The following PLXNA2 variants were observed in gnomAD, a reference collection of about 807,000 sequenced individuals.
PLXNA2 encodes the protein plexin-A2.
In PLXNA2, 91 loss-of-function variants were observed where a neutral mutation model predicts 193.5. The ratio of observed to expected loss-of-function variants is 0.47; its 90% CI spans 0.40 to 0.56. PLXNA2 has a LOEUF of 0.56. Ranked by LOEUF, PLXNA2 falls within the 20% of genes least tolerant of loss-of-function variation. The pLI is 0.00. For synonymous variants in PLXNA2, 997 were observed against 1,027.3 expected, an observed-to-expected ratio of 0.97 and a Z score of 0.56; for missense variants, 1,995 against 2,503.2, an observed-to-expected ratio of 0.80 and a Z score of 4.33.
intron 12 of PLXNA2, among the ~76,000 whole-genome samples, chr1:208,074,985 T>C (rs1007185610): frequency 3.3e-5 from 5 of 152,164 alleles, no homozygotes; most frequent in Non-Finnish European, 7.3e-5. Context: ...TCTATGCCAG[T>C]GCAAAGGGAT....
intron 28 of PLXNA2, 147 bp from the exon 29 acceptor site, chr1:208,031,906 G>A (rs1664516636): frequency 7.7e-7 from 1 of 1,294,138 alleles, no homozygotes; most frequent in African/African-American, 1.5e-5. Context: ...GTGGGGAAGG[G>A]TACTATTGGT....
intron 3 of PLXNA2, among the ~76,000 whole-genome samples, chr1:208,180,148 C>T (rs1669793977): frequency 6.8e-6 from 1 of 147,412 alleles, no homozygotes; most frequent in Non-Finnish European, 1.5e-5. Context: ...TTTAGAGCAG[C>T]TCACTGGGGG....
intron 3 of PLXNA2, among the ~76,000 whole-genome samples, chr1:208,157,383 T>C (rs1668970191): frequency 6.6e-6 from 1 of 152,262 alleles, no homozygotes; most frequent in African/African-American, 2.4e-5. Context: ...AAGTGAGATA[T>C]GAATACACAC....
intron 7 of PLXNA2, 21 bp downstream of exon 7, chr1:208,096,709 C>T (rs779310619): frequency 1.9e-6 from 3 of 1,613,446 alleles, no homozygotes; most frequent in Non-Finnish European, 2.5e-6. Context: ...ATTTGTGGCT[C>T]TCATGGCAGA....
chr1:208,133,368 A>AT (rs748985482), intron 4 of PLXNA2, among the ~76,000 whole-genome samples: 8 of 152,162 alleles, frequency 5.3e-5, no homozygotes, highest in Non-Finnish European at 1.2e-4. Context: ...ATTCTATTTT[A>AT]TTTTTTGCTA....
intron 3 of PLXNA2, among the ~76,000 whole-genome samples, chr1:208,143,970 C>T (rs992768162): frequency 2.0e-5 from 3 of 152,186 alleles, no homozygotes; most frequent in Non-Finnish European, 2.9e-5. Flanking sequence ...TTGTGAAATG[C>T]TTGTTGAAAG....
chr1:208,166,787 T>C (rs756041677), intron 3 of PLXNA2, among the ~76,000 whole-genome samples: 3 of 152,162 alleles, frequency 2.0e-5, no homozygotes, highest in Non-Finnish European at 2.9e-5. Context: ...GAAACACATA[T>C]TGAAAGAAAC....
chr1:208,160,025 C>G (rs1040580266), intron 3 of PLXNA2, among the ~76,000 whole-genome samples: 2 of 152,168 alleles, frequency 1.3e-5, no homozygotes, highest in Admixed American at 6.5e-5. Context: ...GGTTTGCCCA[C>G]AGTCGACTGT....
At chr1:208,228,592 C>T (rs959981197) in intron 1 of PLXNA2, among the ~76,000 whole-genome samples, 4 of 152,144 alleles carry the variant, frequency 2.6e-5, no homozygotes, top group African/African-American at 9.7e-5. Flanking sequence ...TGAAATTCAC[C>T]TATGGAAACA....
At chr1:208,219,858 G>C (rs1249846116) in intron 1 of PLXNA2, among the ~76,000 whole-genome samples, 2 of 152,144 alleles carry the variant, frequency 1.3e-5, no homozygotes, top group Non-Finnish European at 2.9e-5. Flanking sequence ...CAGCCCTTCC[G>C]GCCCCAGGCG....
rs1206842045 is a variant in PLXNA2 at position 208,023,899 on chromosome 1, A to G, written c.*3344T>C. 2 of 152,290 alleles carry G rather than the reference A, an allele frequency of 1.3e-5. No homozygotes were observed. The highest frequency in any genetic ancestry group is 2.9e-5 in the Non-Finnish European group (2 of 68,076). The allele number at this position is 152,290 out of a possible 1,614,324, so 9.4% of individuals were successfully genotyped here. On this transcript the variant is annotated 3_prime_UTR_variant, in exon 32 of 32. Coordinates refer to ENST00000367033, the MANE Select transcript of PLXNA2 (RefSeq NM_025179.4). ...CTCCAATGAGATTAACAGCTGATCC[A>G]TGCTTTTAATGACTGAACTCTGTAA...
At chr1:208,165,048 G>A (rs1252765276) in intron 3 of PLXNA2, among the ~76,000 whole-genome samples, 1 of 152,128 alleles carries the variant, frequency 6.6e-6, no homozygotes, top group Non-Finnish European at 1.5e-5. Context: ...TGAATTTGCC[G>A]CAATGATTGG....
chr1:208,152,515 C>T (rs1026435621), intron 3 of PLXNA2, among the ~76,000 whole-genome samples: 1 of 152,168 alleles, frequency 6.6e-6, no homozygotes, highest in Non-Finnish European at 1.5e-5. Flanking sequence ...CTTGTTCGAT[C>T]CTGCCTTTTC....
intron 1 of PLXNA2, among the ~76,000 whole-genome samples, chr1:208,224,535 G>C (rs941463620): frequency 1.3e-5 from 2 of 151,872 alleles, no homozygotes; most frequent in African/African-American, 4.8e-5. Flanking sequence ...GGGGGAGGGG[G>C]GTGAGGAGAG....
Position 208,079,439 on chromosome 1 carries a change from T to C in PLXNA2, c.2407A>G (p.Lys803Glu). The change falls in exon 12 of 32, where the codon AAG becomes GAG. Residue 803 changes from lysine to glutamate, a missense_variant. Physicochemically the swap from Lys to Glu is moderately conservative, Grantham distance 56 (BLOSUM62 1). This residue lies in a region of PLXNA2 where 1,291 missense variants were observed against 1,673.6 expected (regional missense o/e 0.77). Transcript: ENST00000367033. ...NPQDLKVHLY[K>E]CAAQRESCGL... ...CAGCTCTCCCGCTGGGCTGCACACT[T>C]GTAGAGATGGACTGCAAAGAGAGCA... is the stretch of plus-strand genomic sequence containing the variant. The C allele has an allele frequency of 6.3e-7, 1 of 1,591,852 alleles. No individual in the cohort carries two copies. Among genetic ancestry groups the C allele is most frequent in the Non-Finnish European group, 8.6e-7 (1 of 1,166,466 alleles).
chr1:208,088,002 C>T (rs1666585198), intron 9 of PLXNA2, among the ~76,000 whole-genome samples: 1 of 152,182 alleles, frequency 6.6e-6, no homozygotes, highest in African/African-American at 2.4e-5. Flanking sequence ...GCTTTTCCTG[C>T]AGAATGTTAA....
At chr1:208,220,091 T>C (rs1001511575) in intron 1 of PLXNA2, among the ~76,000 whole-genome samples, 2 of 152,050 alleles carry the variant, frequency 1.3e-5, no homozygotes, top group Admixed American at 6.6e-5. Flanking sequence ...AGGTGGAGAG[T>C]GGTTCCTCCT....
In PLXNA2 at chr1:208,051,093, T is replaced by A. The variant is rs1425010416; in HGVS notation, c.3171A>T (p.Thr1057=). The A allele has an allele frequency of 6.2e-7, 1 of 1,613,668 alleles. No individual in the cohort carries two copies. Among genetic ancestry groups the A allele is most frequent in the East Asian group, 2.2e-5 (1 of 44,876 alleles). Residue 1057 remains threonine, a synonymous_variant, in exon 17 of 32, where the codon ACA becomes ACT. Coordinates refer to ENST00000367033, the MANE Select transcript of PLXNA2 (RefSeq NM_025179.4). ...GGTTGAAGCCTGTGATGGTCAGGGG[T>A]GTGTGGCCACTGAAAACAGGCAGAG... is the stretch of plus-strand genomic sequence containing the variant. ...EPEWSIASGH[T]PLTITGFNLD... is the part of the protein sequence containing the mutation.
chr1:208,204,021 T>C (rs1451937559), intron 3 of PLXNA2, among the ~76,000 whole-genome samples: 3 of 152,194 alleles, frequency 2.0e-5, no homozygotes, highest in Non-Finnish European at 2.9e-5. Context: ...AAGAGAAGAA[T>C]AGAATTGGGA....
Sources: gnomAD v4.1 joint callset for allele counts (sites outside exome capture counted in the v4.1 genomes callset) on GRCh38, gnomAD v4.1.1 for gene constraint, gnomAD v4.1.1 regional missense constraint, MANE v1.5 for transcripts, NCBI Gene and HGNC (gene_info 2026-07-23, HGNC 2026-07-21) for gene names.